Variants in ABCC9 observed in about 807,000 individuals in gnomAD.
ABCC9 encodes the protein ATP-binding cassette sub-family C member 9.
A neutral mutation model predicts 188.3 loss-of-function variants in ABCC9; 95 were observed. The observed-to-expected ratio is 0.50, with a 90% CI of 0.43 to 0.60. ABCC9 has a LOEUF of 0.60. Among genes scored for constraint, ABCC9 ranks in the 20% least tolerant of loss-of-function variants. The pLI is 0.00. For missense variants in ABCC9, 1,102 were observed against 1,876.3 expected, an observed-to-expected ratio of 0.59 and a Z score of 7.62; for synonymous variants, 659 against 652.7, an observed-to-expected ratio of 1.01 and a Z score of -0.15.
At chr12:21,917,170 A>C in intron 5 of ABCC9, 67 bp from the exon 6 acceptor site, 1 of 1,500,736 alleles carries the variant, frequency 6.7e-7, no homozygotes, top group Non-Finnish European at 9.2e-7. Flanking sequence ...ATTTGAATGT[A>C]ATTATGATGC....
intron 12 of ABCC9, among the ~76,000 whole-genome samples, chr12:21,903,796 G>A (rs189839832): frequency 0.012 from 1,822 of 152,272 alleles, 18 homozygotes; most frequent in Non-Finnish European, 0.018. Context: ...CAAACAAATG[G>A]AAGAACATTC....
intron 18 of ABCC9, among the ~76,000 whole-genome samples, chr12:21,868,396 T>C (rs1945888452): frequency 6.6e-6 from 1 of 152,092 alleles, no homozygotes; most frequent in South Asian, 2.1e-4. Context: ...TCCCAACACT[T>C]TGGGAGGCCG....
In ABCC9 at chr12:21,818,164, G is replaced by A; in HGVS notation, c.3757C>T (p.Leu1253=). The change falls in exon 32 of 40, where the codon CTG becomes TTG. Residue 1253 remains leucine, a synonymous_variant. Transcript: ENST00000261200. The part of the protein sequence containing the change: ...SNSGLVGLGL[L]YALTITNYLN... ...TCCATACCTACCGTAAGTGCATACA[G>A]AAGACCCAAGCCTACCAATCCAGAA... The A allele has an allele frequency of 6.2e-7, 1 of 1,613,070 alleles. No homozygotes were observed. Among genetic ancestry groups the A allele is most frequent in the Non-Finnish European group, 8.5e-7 (1 of 1,179,074 alleles).
At chr12:21,816,825 G>T (rs1942678675) in intron 33 of ABCC9, among the ~76,000 whole-genome samples, 1 of 152,168 alleles carries the variant, frequency 6.6e-6, no homozygotes. Context: ...TCCTAGCAAA[G>T]TTGGGAATCT....
intron 20 of ABCC9, 85 bp from the exon 21 acceptor site, chr12:21,861,140 T>C: frequency 1.8e-6 from 2 of 1,108,904 alleles, no homozygotes; most frequent in South Asian, 1.2e-5. Flanking sequence ...CTTTGGAAGT[T>C]GAAATAAAAC....
intron 19 of ABCC9, 129 bp from the exon 20 acceptor site, chr12:21,863,183 A>G: frequency 1.5e-6 from 1 of 673,630 alleles, no homozygotes; most frequent in Non-Finnish European, 2.5e-6. Context: ...AAAACTTCTA[A>G]AAGAGAAAAA....
chr12:21,887,009 A>C (rs1946907902), intron 15 of ABCC9, among the ~76,000 whole-genome samples: 1 of 152,096 alleles, frequency 6.6e-6, no homozygotes, highest in South Asian at 2.1e-4. Flanking sequence ...CAGTGAAACT[A>C]TGTTACTGTT....
chr12:21,940,165 G>C (rs180790882), intron 2 of ABCC9, among the ~76,000 whole-genome samples: 8 of 152,328 alleles, frequency 5.3e-5, no homozygotes, highest in Non-Finnish European at 8.8e-5. Context: ...TTAGCAGAAA[G>C]CGTTAGTTCT....
intron 37 of ABCC9, among the ~76,000 whole-genome samples, chr12:21,808,993 A>T (rs910712992): frequency 7.9e-5 from 12 of 152,134 alleles, no homozygotes; most frequent in African/African-American, 2.9e-4. Context: ...ATAAACTAAC[A>T]GATAAACATA....
chr12:21,844,279 A>G (rs1215610327), intron 28 of ABCC9, among the ~76,000 whole-genome samples: 1 of 152,186 alleles, frequency 6.6e-6, no homozygotes, highest in Non-Finnish European at 1.5e-5. Context: ...CTTCTTCTAC[A>G]TGTACAAATT....
At chr12:21,820,250 TA>T (rs934645297) in intron 31 of ABCC9, among the ~76,000 whole-genome samples, 2 of 151,562 alleles carry the variant, frequency 1.3e-5, no homozygotes, top group Admixed American at 6.6e-5. Context: ...GGCTTGACAT[TA>T]AAAAAAATAT....
intron 12 of ABCC9, among the ~76,000 whole-genome samples, chr12:21,902,422 G>A (rs1947808843): frequency 6.6e-6 from 1 of 152,148 alleles, no homozygotes; most frequent in South Asian, 2.1e-4. Context: ...TCAAAAGCTA[G>A]CAGAAGGCAA....
At chr12:21,857,264 C>T (rs1054370801) in intron 22 of ABCC9, among the ~76,000 whole-genome samples, 1 of 152,054 alleles carries the variant, frequency 6.6e-6, no homozygotes, top group Non-Finnish European at 1.5e-5. Context: ...AAAAGTTATA[C>T]AAAATATGTT....
rs141322485 is a variant in ABCC9, at chr12:21,909,896, A to G, written c.1320+261T>C. ...CTATTATTATTCTCATTTACAGTTA[A>G]GAAAACTAGGGCTTTGAGGAGTTAA... On this transcript the variant is annotated intron_variant, in intron 10 of 39. Transcript: ENST00000261200. Among the ~76,000 whole-genome samples, 497 of 152,050 alleles carry G rather than the reference A, an allele frequency of 3.3e-3. 3 individuals are homozygous for G. Among genetic ancestry groups the G allele is most frequent in the African/African-American group, 8.9e-3 (370 of 41,538 alleles).
chr12:21,909,638 A>G (rs1948220930), intron 10 of ABCC9, among the ~76,000 whole-genome samples: 1 of 151,924 alleles, frequency 6.6e-6, no homozygotes, highest in African/African-American at 2.4e-5. Flanking sequence ...CAATATACTA[A>G]CTATTGAAAC....
intron 13 of ABCC9, among the ~76,000 whole-genome samples, chr12:21,894,550 G>C (rs1217847665): frequency 2.8e-5 from 2 of 71,892 alleles, no homozygotes; most frequent in African/African-American, 1.1e-4. Context: ...CTGTTGTTTT[G>C]GGGTCCTCAC....
rs569725538 is a variant in ABCC9 at position 21,930,188 on chromosome 12, A to G, written c.284+3594T>C. ...CTTTTTTATGGCTGCATAGTATTCC[A>G]TGGTGTATATGTGCCACATTTTCTT... On this transcript the variant is annotated intron_variant, in intron 4 of 39. Coordinates refer to ENST00000261200, the MANE Select transcript of ABCC9 (RefSeq NM_020297.4). 7.2e-5 allele frequency among the ~76,000 whole-genome samples: 11 copies of G among 152,248 alleles called. No individual in the cohort carries two copies. The South Asian group carries it at 2.3e-3, about 32-fold the overall frequency.
chr12:21,885,040 C>T (rs1946803415), intron 15 of ABCC9, among the ~76,000 whole-genome samples: 1 of 152,126 alleles, frequency 6.6e-6, no homozygotes, highest in South Asian at 2.1e-4. Context: ...AAACTAAGAA[C>T]AGGGTGGGAA....
chr12:21,809,200 T>G (rs1277693230), intron 37 of ABCC9, among the ~76,000 whole-genome samples: 1 of 152,156 alleles, frequency 6.6e-6, no homozygotes, highest in African/African-American at 2.4e-5. Context: ...GTATGAACTC[T>G]CTGTGGTTTC....
Sources: gnomAD v4.1 joint callset for allele counts (sites outside exome capture counted in the v4.1 genomes callset) on GRCh38, gnomAD v4.1.1 for gene constraint, MANE v1.5 for transcripts, NCBI Gene and HGNC (gene_info 2026-07-23, HGNC 2026-07-21) for gene names.